GALNT14: variants seen among roughly 807,000 people sequenced by gnomAD.
GALNT14 encodes the protein polypeptide N-acetylgalactosaminyltransferase 14, also known as UDP-GalNAc:polypeptide N-acetylgalactosaminyltransferase 14.
A neutral mutation model predicts 77.5 loss-of-function variants in GALNT14; 60 were observed. That is an observed-to-expected ratio of 0.77 (90% CI 0.63 to 0.96). The LOEUF is 0.96. GALNT14 is among the 40% of genes least tolerant of loss of function. GALNT14 has a pLI of 0.00. For synonymous variants in GALNT14, 280 were observed against 281.7 expected, an observed-to-expected ratio of 0.99 and a Z score of 0.06; for missense variants, 710 against 731.0, an observed-to-expected ratio of 0.97 and a Z score of 0.33.
At chr2:30,965,220 CT>C (rs199826613) in intron 3 of GALNT14, among the ~76,000 whole-genome samples, 23,308 of 152,076 alleles carry the variant, frequency 0.15, 1,884 homozygotes, top group East Asian at 0.32. Context: ...GGAATCCTGC[CT>C]CACTATCACT....
At chr2:31,066,268 G>C (rs1315185804) in intron 1 of GALNT14, among the ~76,000 whole-genome samples, 2 of 152,198 alleles carry the variant, frequency 1.3e-5, no homozygotes, top group East Asian at 1.9e-4. Context: ...CATTAAGGGA[G>C]ACCGATGAAG....
At chr2:31,131,144 C>T (rs1450083319) in intron 1 of GALNT14, among the ~76,000 whole-genome samples, 1 of 152,072 alleles carries the variant, frequency 6.6e-6, no homozygotes, top group African/African-American at 2.4e-5. Context: ...TGCCAGTGGC[C>T]ACACTGGCTG....
chr2:31,038,669 G>A (rs763786939), intron 1 of GALNT14, among the ~76,000 whole-genome samples: 3 of 152,076 alleles, frequency 2.0e-5, no homozygotes, highest in Non-Finnish European at 4.4e-5. Flanking sequence ...TAAGACTACT[G>A]CAGAGCTGAG....
At chr2:31,125,182 A>G in intron 1 of GALNT14, 2 of 1,550,514 alleles carry the variant, frequency 1.3e-6, no homozygotes, top group Non-Finnish European at 1.7e-6. Context: ...TTTGGTAGGG[A>G]GGAGTGGGTG....
chr2:31,132,548 T>A (rs938514128), intron 1 of GALNT14: 5 of 362,816 alleles, frequency 1.4e-5, no homozygotes, highest in Admixed American at 3.4e-5. Flanking sequence ...CATGGGCTAC[T>A]TCTGGTCATG....
At position 31,037,628 on chromosome 2, in the gene GALNT14, G is replaced by C. The variant is rs555769214; in HGVS notation, c.130-44621C>G. Among the ~76,000 whole-genome samples, 4 of 152,138 alleles carry C rather than the reference G, an allele frequency of 2.6e-5. No homozygotes were observed. The South Asian group carries it at 8.3e-4, about 32-fold the overall frequency. ...TCAATTCATATAATGTGGAAACTATGGAAATCTTTCCCCAGGGTGTGTTTT... is the reference window on the plus strand; with the variant it reads ...TCAATTCATATAATGTGGAAACTATCGAAATCTTTCCCCAGGGTGTGTTTT... On this transcript the variant is annotated intron_variant, in intron 1 of 14. Coordinates refer to ENST00000349752, the MANE Select transcript of GALNT14 (RefSeq NM_024572.4).
At chr2:31,058,960 T>C (rs1674414660) in intron 1 of GALNT14, among the ~76,000 whole-genome samples, 1 of 152,176 alleles carries the variant, frequency 6.6e-6, no homozygotes, top group Non-Finnish European at 1.5e-5. Flanking sequence ...TGCCCTTCAG[T>C]AGTTTTAGGC....
chr2:30,906,729 T>C (rs894322906), downstream of GALNT14, among the ~76,000 whole-genome samples: 1 of 151,918 alleles, frequency 6.6e-6, no homozygotes, highest in Non-Finnish European at 1.5e-5. Context: ...TCTACAGAAC[T>C]CTCCACCCCA....
At chr2:30,951,648 G>A (rs528130704) in intron 6 of GALNT14, among the ~76,000 whole-genome samples, 8 of 152,148 alleles carry the variant, frequency 5.3e-5, no homozygotes, top group East Asian at 3.9e-4. Context: ...CACAAAACAC[G>A]CACACACATG....
chr2:31,102,338 C>T (rs1677321782), intron 1 of GALNT14, among the ~76,000 whole-genome samples: 1 of 152,046 alleles, frequency 6.6e-6, no homozygotes, highest in African/African-American at 2.4e-5. Context: ...ATTTGTTCTG[C>T]TATTGAGTGA....
intron 1 of GALNT14, among the ~76,000 whole-genome samples, chr2:31,021,887 G>C (rs1573179816): frequency 6.6e-6 from 1 of 152,246 alleles, no homozygotes; most frequent in East Asian, 1.9e-4. Context: ...GATGTGGATA[G>C]GTCCTTTCAC....
intron 2 of GALNT14, among the ~76,000 whole-genome samples, chr2:30,986,771 C>A (rs754600303): frequency 6.6e-6 from 1 of 152,182 alleles, no homozygotes; most frequent in Non-Finnish European, 1.5e-5. Context: ...ACCTACCTCC[C>A]ACCCCCAGTA....
chr2:31,049,261 G>C (rs773894108), intron 1 of GALNT14, among the ~76,000 whole-genome samples: 4 of 152,158 alleles, frequency 2.6e-5, no homozygotes, highest in Non-Finnish European at 5.9e-5. Flanking sequence ...CTCATTCTAT[G>C]GTATCCCATG....
intron 1 of GALNT14, among the ~76,000 whole-genome samples, chr2:31,111,995 C>CTTTTTTTTT (rs398080139): frequency 2.2e-4 from 30 of 134,102 alleles, no homozygotes; most frequent in Non-Finnish European, 1.9e-4. Context: ...TGTGTACTTG[C>CTTTTTTTTT]TTTTTTTTTT....
chr2:30,925,982 C>T (rs1572977198), intron 11 of GALNT14, among the ~76,000 whole-genome samples: 1 of 152,114 alleles, frequency 6.6e-6, no homozygotes, highest in African/African-American at 2.4e-5. Flanking sequence ...CTCTCGGCAC[C>T]CACCTAAGTT....
At chr2:31,031,202 G>T (rs1672388909) in intron 1 of GALNT14, among the ~76,000 whole-genome samples, 1 of 152,118 alleles carries the variant, frequency 6.6e-6, no homozygotes, top group Non-Finnish European at 1.5e-5. Context: ...CACTTAAGGG[G>T]TGAACCTCTG....
chr2:31,135,331 G>A (rs985319584), intron 1 of GALNT14, among the ~76,000 whole-genome samples: 5 of 152,208 alleles, frequency 3.3e-5, no homozygotes, highest in African/African-American at 9.6e-5. Flanking sequence ...GCCAGGTTTC[G>A]GTACCACTGT....
chr2:31,133,270 C>T (rs532421171), intron 1 of GALNT14, among the ~76,000 whole-genome samples: 1 of 152,262 alleles, frequency 6.6e-6, no homozygotes, highest in East Asian at 1.9e-4. Flanking sequence ...AACAAGAACC[C>T]GTTGGACAGT....
chr2:31,117,604 A>C (rs569200810), intron 1 of GALNT14, among the ~76,000 whole-genome samples: 9 of 152,216 alleles, frequency 5.9e-5, no homozygotes, highest in Non-Finnish European at 1.0e-4. Flanking sequence ...CCATAGGTGT[A>C]GAACACAGAA....
Sources: gnomAD v4.1 joint callset for allele counts (sites outside exome capture counted in the v4.1 genomes callset) on GRCh38, gnomAD v4.1.1 for gene constraint, MANE v1.5 for transcripts, NCBI Gene and HGNC (gene_info 2026-07-23, HGNC 2026-07-21) for gene names.